Variants in RBFOX1 observed in about 807,000 individuals in gnomAD.
RBFOX1 encodes RNA binding protein fox-1 homolog 1.
In RBFOX1, 8 loss-of-function variants were observed where a neutral mutation model predicts 57.7. That is an observed-to-expected ratio of 0.14 (90% CI 0.08 to 0.25). The LOEUF is 0.25. Ranked by LOEUF, RBFOX1 falls within the 10% of genes least tolerant of loss-of-function variation. The pLI, the probability that RBFOX1 is intolerant of heterozygous loss-of-function variation, is 1.00. For synonymous variants in RBFOX1, 326 were observed against 222.4 expected (o/e 1.47, Z -4.15); for missense variants, 611 against 548.5 (o/e 1.11, Z -1.14).
At chr16:6,691,419 T>G (rs948761654) in intron 3 of RBFOX1, among the ~76,000 whole-genome samples, 3 of 152,194 alleles carry the variant, frequency 2.0e-5, no homozygotes, top group African/African-American at 7.2e-5. Context: ...TTTCAACACC[T>G]ATTAATTCTC....
In RBFOX1 at chr16:7,630,703, T is replaced by C. The variant is rs773260179; in HGVS notation, c.757+20T>C. 1 of 1,613,778 alleles carries C rather than the reference T, an allele frequency of 6.2e-7. No individual in the cohort carries two copies. Among genetic ancestry groups the C allele is most frequent in the Non-Finnish European group, 8.5e-7 (1 of 1,179,972 alleles). Reference sequence around the variant, plus strand: ...CTGCAAGTAAGCCCACTGTCGTGGCTCTTTTTGTTTTGTGACATAAATCTG... The same window carrying C: ...CTGCAAGTAAGCCCACTGTCGTGGCCCTTTTTGTTTTGTGACATAAATCTG... On this transcript the variant is annotated intron_variant, in intron 11 of 15. Transcript: ENST00000550418.
chr16:7,179,204 G>A (rs2152509122), intron 4 of RBFOX1, among the ~76,000 whole-genome samples: 1 of 150,498 alleles, frequency 6.6e-6, no homozygotes, highest in African/African-American at 2.4e-5. Flanking sequence ...TATCTATATG[G>A]AAGGATGCTT....
chr16:6,046,642 T>C (rs1037877791), intron 1 of RBFOX1, among the ~76,000 whole-genome samples: 3 of 152,086 alleles, frequency 2.0e-5, no homozygotes, highest in Admixed American at 6.6e-5. Flanking sequence ...TGGCCCAAGG[T>C]TAGGGAGGCA....
chr16:6,459,141 C>G (rs2094846854), intron 2 of RBFOX1, among the ~76,000 whole-genome samples: 1 of 152,168 alleles, frequency 6.6e-6, no homozygotes, highest in South Asian at 2.1e-4. Context: ...CGAGACCATC[C>G]TGGCTAACAC....
intron 13 of RBFOX1, among the ~76,000 whole-genome samples, chr16:7,670,621 G>A (rs569398549): frequency 6.6e-6 from 1 of 152,224 alleles, no homozygotes; most frequent in Admixed American, 6.5e-5. Context: ...GGAGAGAGAG[G>A]AACAAGAATG....
chr16:6,518,743 C>G (rs1397339395), intron 2 of RBFOX1, among the ~76,000 whole-genome samples: 1 of 146,522 alleles, frequency 6.8e-6, no homozygotes, highest in East Asian at 1.9e-4. Flanking sequence ...CCATCTATCT[C>G]TGTCTGTCTG....
At chr16:6,814,370 C>A (rs1382001882) in intron 3 of RBFOX1, among the ~76,000 whole-genome samples, 1 of 152,080 alleles carries the variant, frequency 6.6e-6, no homozygotes, top group Non-Finnish European at 1.5e-5. Context: ...CCATTTCTTT[C>A]TGACATTGTT....
intron 1 of RBFOX1, among the ~76,000 whole-genome samples, chr16:5,410,154 A>G (rs550636828): frequency 1.3e-5 from 2 of 152,106 alleles, no homozygotes; most frequent in East Asian, 1.9e-4. Context: ...ACTTCAGCCC[A>G]GGAGTTCGAG....
chr16:6,504,384 T>A (rs904071308), intron 2 of RBFOX1, among the ~76,000 whole-genome samples: 7 of 152,212 alleles, frequency 4.6e-5, no homozygotes, highest in African/African-American at 1.7e-4. Flanking sequence ...GGATCTAATG[T>A]GTTTGCTTTT....
intron 2 of RBFOX1, among the ~76,000 whole-genome samples, chr16:6,651,455 A>G (rs1333645817): frequency 6.6e-6 from 1 of 151,788 alleles, no homozygotes; most frequent in Non-Finnish European, 1.5e-5. Flanking sequence ...TAGCCCCCAA[A>G]TTTTTCTCCC....
At chr16:6,639,311 T>C (rs1193928835) in intron 2 of RBFOX1, among the ~76,000 whole-genome samples, 1 of 152,154 alleles carries the variant, frequency 6.6e-6, no homozygotes, top group African/African-American at 2.4e-5. Context: ...AATTAAATAG[T>C]TTCGTTGAGT....
At chr16:6,808,660 C>T (rs1036504529) in intron 3 of RBFOX1, among the ~76,000 whole-genome samples, 3 of 152,038 alleles carry the variant, frequency 2.0e-5, no homozygotes, top group African/African-American at 7.3e-5. Flanking sequence ...TCTTATTTTA[C>T]CAGGCAGAAA....
At chr16:7,093,418 T>C (rs548823969) in intron 4 of RBFOX1, among the ~76,000 whole-genome samples, 1 of 152,322 alleles carries the variant, frequency 6.6e-6, no homozygotes, top group African/African-American at 2.4e-5. Context: ...AGCCCACTTC[T>C]TCTTTGACAC....
At chr16:6,855,399 C>G (rs966774369) in intron 3 of RBFOX1, among the ~76,000 whole-genome samples, 1 of 152,012 alleles carries the variant, frequency 6.6e-6, no homozygotes, top group South Asian at 2.1e-4. Flanking sequence ...CGCCTGTAAT[C>G]CCAGCACTTT....
intron 4 of RBFOX1, among the ~76,000 whole-genome samples, chr16:7,435,641 A>G (rs149289923): frequency 8.3e-4 from 126 of 152,336 alleles, no homozygotes; most frequent in African/African-American, 2.8e-3. Flanking sequence ...TGCAAGCCAC[A>G]TTGAAGGAGA....
chr16:6,851,974 G>A (rs1167293661), intron 3 of RBFOX1, among the ~76,000 whole-genome samples: 1 of 150,620 alleles, frequency 6.6e-6, no homozygotes, highest in Non-Finnish European at 1.5e-5. Context: ...CGCCCAGGCT[G>A]GAGTCCAGTG....
chr16:6,114,576 CG>C lies in RBFOX1; in HGVS notation c.-127+94585del, dbSNP rs1567488970. Reference sequence around the variant, plus strand: ...GGCATAAAAGTTTTCTTGGAGGGGGCGTAACTTATGGACTACTAACACTGCC... The same window carrying C: ...GGCATAAAAGTTTTCTTGGAGGGGGCTAACTTATGGACTACTAACACTGCC... On this transcript the variant is annotated intron_variant, in intron 1 of 15. Transcript: ENST00000550418. 2.6e-5 allele frequency among the ~76,000 whole-genome samples: 4 copies of C among 152,098 alleles called. No homozygotes were observed. The East Asian group carries it at 7.7e-4, about 29-fold the overall frequency.
intron 13 of RBFOX1, among the ~76,000 whole-genome samples, chr16:7,671,965 C>G (rs1014329563): frequency 1.3e-5 from 2 of 152,150 alleles, no homozygotes; most frequent in Admixed American, 1.3e-4. Context: ...AGTATAAATC[C>G]AATGAAAATA....
chr16:5,992,164 A>G (rs1156577043), intron 4 of RBFOX1, among the ~76,000 whole-genome samples: 2 of 151,538 alleles, frequency 1.3e-5, no homozygotes, highest in Non-Finnish European at 2.9e-5. Context: ...AATTCTGAAG[A>G]AAAAAAAAGA....
Sources: gnomAD v4.1 joint callset for allele counts (sites outside exome capture counted in the v4.1 genomes callset) on GRCh38, gnomAD v4.1.1 for gene constraint, MANE v1.5 for transcripts, NCBI Gene and HGNC (gene_info 2026-07-23, HGNC 2026-07-21) for gene names.